The following ST6GALNAC3 variants were observed in gnomAD, a reference collection of about 807,000 sequenced individuals.
The protein encoded by ST6GALNAC3 is alpha-N-acetylgalactosaminide alpha-2,6-sialyltransferase 3.
In ST6GALNAC3, 25 loss-of-function variants were observed where a neutral mutation model predicts 32.7. The observed-to-expected ratio is 0.76, with a 90% CI of 0.56 to 1.07. ST6GALNAC3 has a LOEUF of 1.07. ST6GALNAC3 is among the 50% of genes least tolerant of loss of function. The pLI is 0.00. For missense variants in ST6GALNAC3, 355 were observed against 382.4 expected, an observed-to-expected ratio of 0.93 and a Z score of 0.60; for synonymous variants, 129 against 133.1, an observed-to-expected ratio of 0.97 and a Z score of 0.21.
At chr1:76,203,770 A>T (rs1032414560) in intron 1 of ST6GALNAC3, among the ~76,000 whole-genome samples, 1 of 152,246 alleles carries the variant, frequency 6.6e-6, no homozygotes, top group African/African-American at 2.4e-5. Context: ...ATAGGTATAC[A>T]TATTTTCAGG....
In ST6GALNAC3 at chr1:76,628,687, TTTC is replaced by T. The variant is rs1649130982; in HGVS notation, c.803_805del (p.Leu268del). The T allele has an allele frequency of 6.2e-7, 1 of 1,612,310 alleles. No individual in the cohort carries two copies. The highest frequency in any genetic ancestry group is 1.3e-5 in the African/African-American group (1 of 74,770). ...AGGAAGAGATGAGTGTGATGAATAT[TTTC>T]TTCATGAACATGCCCCATATGGGGG... On this transcript the variant is annotated inframe_deletion, in exon 5 of 5. Coordinates refer to ENST00000328299, the MANE Select transcript of ST6GALNAC3 (RefSeq NM_152996.4).
At chr1:76,625,888 A>C (rs1472338034) in intron 3 of ST6GALNAC3, among the ~76,000 whole-genome samples, 1 of 151,852 alleles carries the variant, frequency 6.6e-6, no homozygotes, top group Non-Finnish European at 1.5e-5. Context: ...AGGAATGGCT[A>C]CTTAGGTAGT....
chr1:76,083,115 T>G (rs937259017), intron 1 of ST6GALNAC3, among the ~76,000 whole-genome samples: 7 of 152,226 alleles, frequency 4.6e-5, no homozygotes, highest in Non-Finnish European at 8.8e-5. Flanking sequence ...GGAAACGATT[T>G]GCATCTTGCT....
chr1:76,267,661 T>C (rs1658610799), intron 1 of ST6GALNAC3, among the ~76,000 whole-genome samples: 1 of 152,206 alleles, frequency 6.6e-6, no homozygotes, highest in Non-Finnish European at 1.5e-5. Flanking sequence ...CTCCGTAAAA[T>C]TGCAAATGGT....
intron 1 of ST6GALNAC3, 139 bp downstream of exon 1, chr1:76,075,023 C>G: frequency 9.2e-7 from 1 of 1,090,994 alleles, no homozygotes; most frequent in Non-Finnish European, 1.3e-6. Flanking sequence ...GTTCCTTTGG[C>G]AAATGCATAT....
At chr1:76,411,506 A>G (rs1273832469) in intron 2 of ST6GALNAC3, among the ~76,000 whole-genome samples, 1 of 152,138 alleles carries the variant, frequency 6.6e-6, no homozygotes, top group East Asian at 1.9e-4. Flanking sequence ...ACTGGTTCTG[A>G]AAATCTGTTT....
At chr1:76,470,305 G>A (rs563224868) in intron 3 of ST6GALNAC3, among the ~76,000 whole-genome samples, 2 of 152,168 alleles carry the variant, frequency 1.3e-5, no homozygotes, top group Admixed American at 6.6e-5. Context: ...GGGTGGAAAT[G>A]AATCACAGCT....
In ST6GALNAC3 at chr1:76,389,011, C is replaced by CTTTTTTTTTTTTTTTTT. The variant is rs138986165; in HGVS notation, c.214-22997_214-22996insTTTTTTTTTTTTTTTTT. On this transcript the variant is annotated intron_variant, in intron 2 of 4. Coordinates refer to ENST00000328299, the MANE Select transcript of ST6GALNAC3 (RefSeq NM_152996.4). ...GGTGTGGTTGTTAGTTGGTATATTTCCTTTTTTTTTTTTTTTTGAGACAGA... is the reference window on the plus strand; with the variant it reads ...GGTGTGGTTGTTAGTTGGTATATTTCTTTTTTTTTTTTTTTTTCTTTTTTTTTTTTTTTTGAGACAGA... Among the ~76,000 whole-genome samples the CTTTTTTTTTTTTTTTTT allele has an allele frequency of 6.5e-5, 7 of 107,910 alleles. 2 individuals carry two copies. The highest frequency in any genetic ancestry group is 5.3e-3 in the Middle Eastern group (1 of 188). 70.8% of individuals were successfully genotyped at this position (107,910 alleles called of 152,430 possible).
At chr1:76,349,744 C>G (rs1188816373) in intron 2 of ST6GALNAC3, among the ~76,000 whole-genome samples, 1 of 152,182 alleles carries the variant, frequency 6.6e-6, no homozygotes, top group Non-Finnish European at 1.5e-5. Flanking sequence ...ATGCTTCTTT[C>G]TATCTGCTCC....
intron 3 of ST6GALNAC3, among the ~76,000 whole-genome samples, chr1:76,587,601 A>C (rs979849628): frequency 3.3e-5 from 5 of 152,198 alleles, no homozygotes; most frequent in African/African-American, 1.2e-4. Context: ...TGGGAAAATT[A>C]TTTAATCTCT....
chr1:76,264,716 A>C (rs950268687), intron 1 of ST6GALNAC3, among the ~76,000 whole-genome samples: 1 of 152,108 alleles, frequency 6.6e-6, no homozygotes, highest in Non-Finnish European at 1.5e-5. Flanking sequence ...ATAACACCTT[A>C]TATTTTCAAA....
intron 1 of ST6GALNAC3, among the ~76,000 whole-genome samples, chr1:76,126,372 GTCTT>G (rs1406204925): frequency 9.2e-5 from 14 of 152,112 alleles, no homozygotes; most frequent in Middle Eastern, 3.4e-3. Context: ...TAAGGGAAAA[GTCTT>G]TCTTTCTTCT....
At chr1:76,303,955 C>G (rs1026610411) in intron 1 of ST6GALNAC3, among the ~76,000 whole-genome samples, 1 of 151,652 alleles carries the variant, frequency 6.6e-6, no homozygotes, top group Non-Finnish European at 1.5e-5. Flanking sequence ...CACCCTAACC[C>G]TCTCCCTCAC....
At chr1:76,593,059 A>T (rs2100593505) in intron 3 of ST6GALNAC3, among the ~76,000 whole-genome samples, 1 of 152,116 alleles carries the variant, frequency 6.6e-6, no homozygotes, top group Non-Finnish European at 1.5e-5. Context: ...TGAAAACATG[A>T]TTTTTTCTAA....
chr1:76,473,988 C>T (rs1659192766), intron 3 of ST6GALNAC3, among the ~76,000 whole-genome samples: 1 of 151,796 alleles, frequency 6.6e-6, no homozygotes, highest in African/African-American at 2.4e-5. Context: ...GAGAGAAAGG[C>T]CAGGTAGACA....
chr1:76,582,018 T>C (rs1161405859), intron 3 of ST6GALNAC3, among the ~76,000 whole-genome samples: 1 of 152,126 alleles, frequency 6.6e-6, no homozygotes, highest in African/African-American at 2.4e-5. Flanking sequence ...GCAGAAATCT[T>C]TTTACGCCGC....
At chr1:76,493,313 T>C (rs1660616552) in intron 3 of ST6GALNAC3, among the ~76,000 whole-genome samples, 1 of 152,164 alleles carries the variant, frequency 6.6e-6, no homozygotes, top group African/African-American at 2.4e-5. Context: ...TGATAAGAAG[T>C]AGTGCTGCAA....
At chr1:76,236,934 T>C (rs1008614653) in intron 1 of ST6GALNAC3, among the ~76,000 whole-genome samples, 18 of 152,112 alleles carry the variant, frequency 1.2e-4, no homozygotes, top group Non-Finnish European at 2.4e-4. Context: ...CCTGATTTAG[T>C]TAACATTCAG....
intron 3 of ST6GALNAC3, among the ~76,000 whole-genome samples, chr1:76,573,660 TCTC>T (rs1646749581): frequency 7.9e-6 from 1 of 125,944 alleles, no homozygotes; most frequent in Non-Finnish European, 1.6e-5. Flanking sequence ...CCCCCTTTCT[TCTC>T]CTTTTTTTTT....
Sources: allele counts gnomAD v4.1 joint callset (sites outside exome capture counted in the v4.1 genomes callset), GRCh38; gene constraint gnomAD v4.1.1; transcripts MANE v1.5; gene names NCBI Gene and HGNC (gene_info 2026-07-23, HGNC 2026-07-21).